NMRAL1: variants seen among roughly 807,000 people sequenced by gnomAD.
The protein encoded by NMRAL1 is nmrA-like family domain-containing protein 1.
A neutral mutation model predicts 27.5 loss-of-function variants in NMRAL1; 32 were observed. The observed-to-expected ratio is 1.16, with a 90% CI of 0.88 to 1.56. The LOEUF (loss-of-function observed/expected upper bound fraction) is 1.56, where lower values mean the gene tolerates loss of function less well. Ranked by LOEUF, NMRAL1 falls within the 40% of genes most tolerant of loss-of-function variation. NMRAL1 has a pLI of 0.00. For missense variants in NMRAL1, 420 were observed against 392.0 expected, an observed-to-expected ratio of 1.07 and a Z score of -0.60; for synonymous variants, 166 against 166.8, an observed-to-expected ratio of 1.00 and a Z score of 0.04.
intron 3 of NMRAL1, among the ~76,000 whole-genome samples, chr16:4,468,717 A>G (rs2057427009): frequency 1.3e-5 from 2 of 152,070 alleles, no homozygotes; most frequent in African/African-American, 4.8e-5. Flanking sequence ...AGAAAGGGTC[A>G]AGGCTAATAA....
chr16:4,473,461 A>T (rs961747909), intron 2 of NMRAL1, among the ~76,000 whole-genome samples: 8 of 152,204 alleles, frequency 5.3e-5, no homozygotes, highest in Non-Finnish European at 1.5e-5. Flanking sequence ...GGAATGAAAT[A>T]ATATGCTATC....
chr16:4,474,656 C>G (rs142600874), upstream of NMRAL1: 2 of 154,118 alleles, frequency 1.3e-5, no homozygotes, highest in African/African-American at 4.8e-5. Context: ...GCAGTTGGCT[C>G]CTCCTGGATC....
chr16:4,466,204 G>A lies in NMRAL1; in HGVS notation c.478C>T (p.Leu160Phe). The A allele has an allele frequency of 6.2e-7, 1 of 1,614,210 alleles. No homozygotes were observed. The highest frequency in any genetic ancestry group is 8.5e-7 in the Non-Finnish European group (1 of 1,180,038). Residue 160 changes from leucine to phenylalanine, a missense_variant, in exon 4 of 6, where the codon CTC (leucine) becomes TTC (phenylalanine). Transcript: ENST00000283429. ...VRLPCYFENLLSHFLPQKAPD... is the reference protein window; with the variant it reads ...VRLPCYFENLFSHFLPQKAPD... ...GCTTTCTGGGGCAAGAAGTGGGAGA[G>A]GAGGTTCTCAAAATAGCAGGGCAGC...
rs1472023288 is a variant in NMRAL1, at chr16:4,461,729, T to C, written c.*51A>G. The C allele has an allele frequency of 1.3e-6, 2 of 1,512,950 alleles. No individual in the cohort carries two copies. The highest frequency in any genetic ancestry group is 2.8e-5 in the African/African-American group (2 of 71,604). The allele number at this position is 1,512,950 out of a possible 1,614,324, so 93.7% of individuals were successfully genotyped here. A position where few individuals can be genotyped will look rare whatever the true frequency, so the allele number is the denominator to read the frequency against. On this transcript the variant is annotated 3_prime_UTR_variant, in exon 6 of 6. Coordinates refer to ENST00000283429, the MANE Select transcript of NMRAL1 (RefSeq NM_020677.6). ...ATGGCTTTATTCAGATGTTGGTGCC[T>C]CTGCCCCTCTGGTGCCCCCGATCCC...
In NMRAL1 at chr16:4,463,720, C is replaced by CGT. The variant is rs2141417764; in HGVS notation, c.658_659dup (p.Ala221ArgfsTer22). On this transcript the variant is annotated frameshift_variant, in exon 5 of 6. Transcript: ENST00000283429. LOFTEE classifies it high-confidence loss of function. ...TGAGCAGGGCAGCGTACTCCTCGGC[C>CGT]GTGTGCCTGCAAGTGCTCAGCCCGA... 1.2e-6 allele frequency: 2 copies of CGT among 1,614,054 alleles called. No individual in the cohort carries two copies. The highest frequency in any genetic ancestry group is 4.5e-5 in the East Asian group (2 of 44,882).
intron 3 of NMRAL1, among the ~76,000 whole-genome samples, chr16:4,468,044 A>G (rs2057395912): frequency 6.6e-6 from 1 of 151,978 alleles, no homozygotes. Context: ...TCATGCCCGC[A>G]GTCCCAGCAC....
At position 4,463,779 on chromosome 16, in the gene NMRAL1, A is replaced by T. The variant is rs1374938944; in HGVS notation, c.601T>A (p.Leu201Met). Residue 201 changes from leucine (L) to methionine (M), a missense_variant, in exon 5 of 6, where the codon TTG (leucine) becomes ATG (methionine). Physicochemically the swap from Leu to Met is conservative, Grantham distance 15. Transcript: ENST00000283429. The part of the protein sequence containing the change: ...SDLGPVVLSL[L>M]KMPEKYVGQN... ...CCGACGTATTTTTCTGGCATCTTCA[A>T]AAGGCTGAGCACCACAGGACCCAGG... 1 of 1,614,012 alleles carries T rather than the reference A, an allele frequency of 6.2e-7. No individual in the cohort carries two copies. The highest frequency in any genetic ancestry group is 8.5e-7 in the Non-Finnish European group (1 of 1,180,038).
chr16:4,462,770 G>A (rs1317862173), intron 5 of NMRAL1, among the ~76,000 whole-genome samples: 1 of 151,998 alleles, frequency 6.6e-6, no homozygotes, highest in Non-Finnish European at 1.5e-5. Flanking sequence ...GTAATTGCCC[G>A]CCTCAGCCTC....
intron 2 of NMRAL1, among the ~76,000 whole-genome samples, chr16:4,473,365 C>T (rs892645290): frequency 1.3e-5 from 2 of 151,986 alleles, no homozygotes; most frequent in East Asian, 1.9e-4. Context: ...GAGTTGCACA[C>T]TTTAAACAGG....
At chr16:4,469,536 G>A in intron 2 of NMRAL1, 71 bp from the exon 3 acceptor site, 1 of 1,595,430 alleles carries the variant, frequency 6.3e-7, no homozygotes, top group Admixed American at 1.7e-5. Context: ...AAACCCCGAA[G>A]GGAGTGCTCC....
At position 4,469,431 on chromosome 16, in the gene NMRAL1, C is replaced by G. The variant is rs11557237; in HGVS notation, c.75G>C (p.Leu25=). 1.9e-6 allele frequency: 3 copies of G among 1,613,902 alleles called. No homozygotes were observed. The East Asian group carries it at 6.7e-5, about 36-fold the overall frequency. Residue 25 remains leucine (L), a synonymous_variant, in exon 3 of 6, where the codon CTG becomes CTC. Coordinates refer to ENST00000283429, the MANE Select transcript of NMRAL1 (RefSeq NM_020677.6). ...AQGGSVARTL[L]EDGTFKVRVV... is the part of the protein sequence containing the mutation. ...CTCGAACCTTGAATGTCCCATCTTC[C>G]AGGAGTGTGCGGGCCACGGAGCCAC... is the stretch of plus-strand genomic sequence containing the variant.
chr16:4,465,304 C>A (rs2057278612), intron 4 of NMRAL1, among the ~76,000 whole-genome samples: 1 of 152,148 alleles, frequency 6.6e-6, no homozygotes, highest in Non-Finnish European at 1.5e-5. Flanking sequence ...ATGGGCTGGG[C>A]CCTTATGCGA....
chr16:4,474,034 C>A, intron 2 of NMRAL1, 59 bp downstream of exon 2: 6 of 1,376,048 alleles, frequency 4.4e-6, no homozygotes, highest in Non-Finnish European at 6.2e-6. Context: ...CCAGGACGGG[C>A]GGTCTTCAGG....
intron 4 of NMRAL1, 95 bp from the exon 5 acceptor site, chr16:4,463,945 G>A: frequency 1.1e-6 from 1 of 948,760 alleles, no homozygotes; most frequent in Non-Finnish European, 1.6e-6. Context: ...GTTCTTCCCA[G>A]CAGTCAGCTG....
rs765331741 is a variant in NMRAL1 at position 4,469,217 on chromosome 16, CTGCCCTCACCTGCT to C, written c.275_279+9del. ...GGCCGGGCCTCCCTGCAGCTCCTGC[CTGCCCTCACCTGCT>C]TGACCTCCTGCTCCTGGCTGCAGCT... On this transcript the variant is annotated splice_donor_variant and splice_donor_5th_base_variant and coding_sequence_variant and intron_variant, in exon 3 of 6. Transcript: ENST00000283429. LOFTEE classifies it high-confidence loss of function. 6.2e-7 allele frequency: 1 copy of C among 1,602,260 alleles called. No homozygotes were observed. Among genetic ancestry groups the C allele is most frequent in the East Asian group, 2.2e-5 (1 of 44,810 alleles).
chr16:4,463,758 CG>C lies in NMRAL1; in HGVS notation c.621del (p.Tyr207Ter). On this transcript the variant is annotated frameshift_variant, in exon 5 of 6. Coordinates refer to ENST00000283429, the MANE Select transcript of NMRAL1 (RefSeq NM_020677.6). LOFTEE classifies it high-confidence loss of function. ...GTGCTCAGCCCGATGTTCTGGCCGA[CG>C]TATTTTTCTGGCATCTTCAAAAGGC... ...VLSLLKMPEK[Y>X]VGQNIGLSTC... 5 of 1,614,090 alleles carry C rather than the reference CG, an allele frequency of 3.1e-6. No homozygotes were observed. Among genetic ancestry groups the C allele is most frequent in the Non-Finnish European group, 4.2e-6 (5 of 1,180,016 alleles).
chr16:4,465,550 T>TTTTTG (rs540508724), intron 4 of NMRAL1, among the ~76,000 whole-genome samples: 2,208 of 152,240 alleles, frequency 0.015, 19 homozygotes, highest in Non-Finnish European at 0.021. Flanking sequence ...GTCTTTGGTT[T>TTTTTG]TTTTGTTTTG....
In NMRAL1 at chr16:4,466,170, C is replaced by A. The variant is rs140485553; in HGVS notation, c.512G>T (p.Gly171Val). 7 of 1,614,064 alleles carry A rather than the reference C, an allele frequency of 4.3e-6. No homozygotes were observed. The highest frequency in any genetic ancestry group is 5.9e-6 in the Non-Finnish European group (7 of 1,180,042). The change falls in exon 4 of 6, where the codon GGA becomes GTA. Residue 171 changes from glycine (G) to valine (V), a missense_variant. Gly to Val is a moderately radical substitution (Grantham distance 109). Transcript: ENST00000283429. ...SHFLPQKAPD[G>V]KSYLLSLPTG... ...GCACTTACTCAGCAAGTAGCTCTTT[C>A]CGTCTGGGGCTTTCTGGGGCAAGAA...
At chr16:4,464,434 C>T (rs2057235135) in intron 4 of NMRAL1, among the ~76,000 whole-genome samples, 1 of 152,048 alleles carries the variant, frequency 6.6e-6, no homozygotes, top group African/African-American at 2.4e-5. Flanking sequence ...CGCAAACTTC[C>T]AGGCTGAGGT....
Sources: gnomAD v4.1 joint callset for allele counts (sites outside exome capture counted in the v4.1 genomes callset) on GRCh38, gnomAD v4.1.1 for gene constraint, MANE v1.5 for transcripts, NCBI Gene and HGNC (gene_info 2026-07-23, HGNC 2026-07-21) for gene names.